Variants in GBP1 observed in about 807,000 individuals in gnomAD.
GBP1 encodes the protein guanylate-binding protein 1.
Under a neutral mutation model 69.5 loss-of-function variants are expected in GBP1, and 64 were observed. That is an observed-to-expected ratio of 0.92 (90% CI 0.75 to 1.13). The LOEUF (loss-of-function observed/expected upper bound fraction) is 1.13. Among genes scored for constraint, GBP1 ranks in the 50% most tolerant of loss-of-function variants. GBP1 has a pLI of 0.00. For synonymous variants in GBP1, 250 were observed against 261.2 expected, an observed-to-expected ratio of 0.96 and a Z score of 0.41; for missense variants, 630 against 704.1, an observed-to-expected ratio of 0.89 and a Z score of 1.19.
rs200730086 is a variant in GBP1, at chr1:89,054,697, G to A, written c.1650C>T (p.Leu550=). Residue 550 remains leucine (L), a synonymous_variant, in exon 10 of 11, where the codon CTC becomes CTT. Coordinates refer to ENST00000370473, the MANE Select transcript of GBP1 (RefSeq NM_002053.3). ...VQLLKEQERT[L]ALKLQEQEQL... ...AATTAGATACCTGAAGTTTAAGAGCGAGGGTCCTCTCTTGCTCTTTCAGCA... is the reference window on the plus strand; with the variant it reads ...AATTAGATACCTGAAGTTTAAGAGCAAGGGTCCTCTCTTGCTCTTTCAGCA... 23 of 1,613,554 alleles carry A rather than the reference G, an allele frequency of 1.4e-5. No homozygotes were observed. The highest frequency in any genetic ancestry group is 2.7e-5 in the African/African-American group (2 of 74,920).
intron 2 of GBP1, 107 bp from the exon 3 acceptor site, chr1:89,060,431 A>ACTC (rs1680151653): frequency 9.8e-7 from 1 of 1,022,226 alleles, no homozygotes; most frequent in African/African-American, 1.6e-5. Context: ...CTGAAACAAC[A>ACTC]ATCAGTATTC....
intron 5 of GBP1, chr1:89,058,443 G>C: frequency 1.8e-6 from 1 of 542,688 alleles, no homozygotes; most frequent in Non-Finnish European, 3.2e-6. Context: ...AAGACAGCTG[G>C]CAGGCAGGAT....
At position 89,056,872 on chromosome 1, in the gene GBP1, T is replaced by C. The variant is rs762131135; in HGVS notation, c.1137A>G (p.Leu379=). Residue 379 remains leucine, a synonymous_variant, in exon 7 of 11, where the codon CTA becomes CTG. Transcript: ENST00000370473. ...AAATTACCGCTAACTCCTTTTGAAA[T>C]AGATGGTCCACATCTTTGAAGGAAC... is the stretch of plus-strand genomic sequence containing the variant. ...IRSSFKDVDH[L]FQKELAAQLE... is the part of the protein sequence containing the mutation. 3.7e-6 allele frequency: 6 copies of C among 1,613,986 alleles called. No homozygotes were observed. The highest frequency in any genetic ancestry group is 5.1e-6 in the Non-Finnish European group (6 of 1,179,948).
rs1345646381 is a variant in GBP1 at position 89,056,959 on chromosome 1, G to T, written c.1050C>A (p.Leu350=). ...GQKVQLPTET[L]QELLDLHRDS... ...CCCTGTGCAGGTCCAGCAGCTCCTGGAGGGTTTCTGTGGGCAGCTGCACCT... is the reference window on the plus strand; with the variant it reads ...CCCTGTGCAGGTCCAGCAGCTCCTGTAGGGTTTCTGTGGGCAGCTGCACCT... Residue 350 remains leucine (L), a synonymous_variant, in exon 7 of 11, where the codon CTC becomes CTA. Coordinates refer to ENST00000370473, the MANE Select transcript of GBP1 (RefSeq NM_002053.3). The T allele has an allele frequency of 6.2e-7, 1 of 1,614,212 alleles. No individual in the cohort carries two copies. The highest frequency in any genetic ancestry group is 8.5e-7 in the Non-Finnish European group (1 of 1,180,022).
Position 89,056,353 on chromosome 1 carries a change from C to G in GBP1, c.1156-125G>C, listed in dbSNP as rs1680045512. On this transcript the variant is annotated intron_variant, in intron 7 of 10. Coordinates refer to ENST00000370473, the MANE Select transcript of GBP1 (RefSeq NM_002053.3). ...GCTGGAGAAACTGACAGCCTCCTCA[C>G]CAGGACCACACTCTTCCTTCTGACC... 4.0e-6 allele frequency: 6 copies of G among 1,489,558 alleles called. No homozygotes were observed. The South Asian group carries it at 4.8e-5, about 12-fold the overall frequency. The allele number at this position is 1,489,558 out of a possible 1,614,324, so 92.3% of individuals were successfully genotyped here.
At chr1:89,053,927 A>G (rs1331519957) in intron 10 of GBP1, among the ~76,000 whole-genome samples, 1 of 152,236 alleles carries the variant, frequency 6.6e-6, no homozygotes, top group Non-Finnish European at 1.5e-5. Context: ...TCTTAAATCT[A>G]ATTTCATAGT....
rs529289248 is a variant in GBP1, at chr1:89,060,454, T to C, written c.191-130A>G. On this transcript the variant is annotated intron_variant, in intron 2 of 10. Transcript: ENST00000370473. ...ACAATCAGTATTCACCTTACGTACTTACAATCAAAGAAATAGGAAATTTGA... is the reference window on the plus strand; with the variant it reads ...ACAATCAGTATTCACCTTACGTACTCACAATCAAAGAAATAGGAAATTTGA... 7 of 731,524 alleles carry C rather than the reference T, an allele frequency of 9.6e-6. No homozygotes were observed. In the East Asian group the frequency reaches 2.3e-4, roughly 24 times the overall value. The allele number at this position is 731,524 out of a possible 1,614,324, so 45.3% of individuals were successfully genotyped here.
At chr1:89,058,523 T>C (rs1319385143) in intron 5 of GBP1, 7 of 518,596 alleles carry the variant, frequency 1.3e-5, no homozygotes, top group African/African-American at 1.1e-4. Context: ...TTTTAGTCTA[T>C]GTTCTTTAAA....
In GBP1 at chr1:89,063,181, A is replaced by G; in HGVS notation, c.54T>C (p.Asn18=). Reference sequence around the variant, plus strand: ...CTTCTGGATTCGCCATCAGTCGCCCATTAGTGTTCTCAATGAGGCACATTG... The same window carrying G: ...CTTCTGGATTCGCCATCAGTCGCCCGTTAGTGTTCTCAATGAGGCACATTG... ...TGPMCLIENT[N]GRLMANPEAL... Residue 18 remains asparagine (N), a synonymous_variant, in exon 2 of 11, where the codon AAT becomes AAC. Coordinates refer to ENST00000370473, the MANE Select transcript of GBP1 (RefSeq NM_002053.3). The G allele has an allele frequency of 6.2e-7, 1 of 1,614,130 alleles. No individual in the cohort carries two copies. The highest frequency in any genetic ancestry group is 8.5e-7 in the Non-Finnish European group (1 of 1,179,980).
intron 2 of GBP1, 61 bp downstream of exon 2, chr1:89,062,984 T>C: frequency 1.9e-6 from 3 of 1,588,466 alleles, no homozygotes; most frequent in Admixed American, 1.7e-5. Context: ...ATCTTCATAA[T>C]GGAGGCTGAC....
intron 3 of GBP1, among the ~76,000 whole-genome samples, 156 bp downstream of exon 3, chr1:89,060,041 A>T (rs1246727547): frequency 6.6e-6 from 1 of 152,242 alleles, no homozygotes; most frequent in Non-Finnish European, 1.5e-5. Flanking sequence ...GTGCAGGATA[A>T]GACTTATGAC....
At chr1:89,054,304 G>A (rs1166467806) in intron 10 of GBP1, among the ~76,000 whole-genome samples, 2 of 152,082 alleles carry the variant, frequency 1.3e-5, no homozygotes, top group Non-Finnish European at 2.9e-5. Context: ...ATTTCACCGT[G>A]TTAGCCAGGA....
chr1:89,063,070 C>T lies in GBP1; in HGVS notation c.165G>A (p.Met55Ile), dbSNP rs1680241487. The change falls in exon 2 of 11, where the codon ATG becomes ATA. Residue 55 changes from methionine (M) to isoleucine (I), a missense_variant. By Grantham distance (10) the Met-to-Ile change is conservative (BLOSUM62 1). Transcript: ENST00000370473. ...CCTTTTTCTTTCCAGCCAGCTTGTT[C>T]ATCAGGTAGGATTTGCCTGTGCGGT... ...GLYRTGKSYL[M>I]NKLAGKKKGF... The T allele has an allele frequency of 6.2e-7, 1 of 1,613,960 alleles. No individual in the cohort carries two copies. Among genetic ancestry groups the T allele is most frequent in the Non-Finnish European group, 8.5e-7 (1 of 1,179,970 alleles).
chr1:89,062,991 T>A, intron 2 of GBP1, 54 bp downstream of exon 2: 2 of 1,598,410 alleles, frequency 1.3e-6, no homozygotes, highest in South Asian at 2.2e-5. Flanking sequence ...TAATGGAGGC[T>A]GACTGTGTAG....
chr1:89,059,732 T>C (rs1279469909), intron 3 of GBP1, among the ~76,000 whole-genome samples: 1 of 152,070 alleles, frequency 6.6e-6, no homozygotes, highest in East Asian at 1.9e-4. Flanking sequence ...TTTTAAGGCC[T>C]GAGTACAATG....
At position 89,057,125 on chromosome 1, in the gene GBP1, C is replaced by T; in HGVS notation, c.884G>A (p.Ser295Asn). The T allele has an allele frequency of 6.2e-7, 1 of 1,614,200 alleles. No individual in the cohort carries two copies. Among genetic ancestry groups the T allele is most frequent in the Middle Eastern group, 1.6e-4 (1 of 6,062 alleles). The change falls in exon 7 of 11, where the codon AGC becomes AAC. Residue 295 changes from serine (S) to asparagine (N), a missense_variant. Coordinates refer to ENST00000370473, the MANE Select transcript of GBP1 (RefSeq NM_002053.3). ...GIQVNGPRLE[S>N]LVLTYVNAIS... ...GGCATTGACGTAGGTCAGCACCAGGCTCTCTAGACCTGCATATGAAGAACA... is the reference window on the plus strand; with the variant it reads ...GGCATTGACGTAGGTCAGCACCAGGTTCTCTAGACCTGCATATGAAGAACA...
intron 2 of GBP1, among the ~76,000 whole-genome samples, chr1:89,062,048 T>C (rs1322148858): frequency 6.6e-6 from 1 of 151,854 alleles, no homozygotes. Flanking sequence ...TTAGAACCCT[T>C]GTGCATTTCT....
At chr1:89,058,353 T>G in intron 5 of GBP1, 119 bp from the exon 6 acceptor site, 2 of 851,904 alleles carry the variant, frequency 2.3e-6, no homozygotes, top group South Asian at 3.7e-5. Context: ...TATTCAACTC[T>G]GTTATTGAAG....
rs6656313 is a variant in GBP1, at chr1:89,058,116, G to A, written c.750C>T (p.Leu250=). The stretch of plus-strand genomic sequence containing the variant: ...CCAGCTCTTCATCTTGTAGTTTCTC[G>A]AGCTGGGCAAGCTTCCTGCGGTGAA... The part of the protein sequence containing the change: ...RPVHRRKLAQ[L]EKLQDEELDP... Residue 250 remains leucine, a synonymous_variant, in exon 6 of 11, where the codon CTC becomes CTT. Transcript: ENST00000370473. The A allele has an allele frequency of 3.0e-4, 486 of 1,614,138 alleles. 1 individual carries two copies. The African/African-American group carries it at 5.6e-3, about 19-fold the overall frequency.
Sources: allele counts gnomAD v4.1 joint callset (sites outside exome capture counted in the v4.1 genomes callset), GRCh38; gene constraint gnomAD v4.1.1; transcripts MANE v1.5; gene names NCBI Gene and HGNC (gene_info 2026-07-23, HGNC 2026-07-21).